ASXL3: variants seen among roughly 807,000 people sequenced by gnomAD.
ASXL3 encodes ASXL transcriptional regulator 3.
ASXL3 carries 34 observed loss-of-function variants against 170.6 expected under a neutral mutation model. The observed-to-expected ratio is 0.20, with a 90% CI of 0.15 to 0.27. ASXL3 has a LOEUF of 0.27. Among genes scored for constraint, ASXL3 ranks in the 10% least tolerant of loss-of-function variants. The pLI is 1.00. For synonymous variants in ASXL3, 1,002 were observed against 989.1 expected, an observed-to-expected ratio of 1.01 and a Z score of -0.24; for missense variants, 2,592 against 2,695.3, an observed-to-expected ratio of 0.96 and a Z score of 0.85.
intron 7 of ASXL3, among the ~76,000 whole-genome samples, chr18:33,677,257 A>C (rs2066443826): frequency 6.6e-6 from 1 of 152,190 alleles, no homozygotes; most frequent in Admixed American, 6.5e-5. Flanking sequence ...GCATAAATAT[A>C]AAAATAAAGT....
rs1452518699 is a variant in ASXL3, at chr18:33,749,517, T to A, written c.*2922T>A. The A allele has an allele frequency of 6.6e-6, 1 of 152,070 alleles. No homozygotes were observed. The highest frequency in any genetic ancestry group is 1.5e-5 in the Non-Finnish European group (1 of 68,012). The allele number at this position is 152,070 out of a possible 1,614,324, so 9.4% of individuals were successfully genotyped here. On this transcript the variant is annotated 3_prime_UTR_variant, in exon 12 of 12. Transcript: ENST00000269197. ...GCAGGGGAAGGAAGAAAACTGCTAT[T>A]CCCTAATCCTCCTCCTATAAGATAT...
chr18:33,591,576 A>C (rs1280194230), intron 1 of ASXL3, among the ~76,000 whole-genome samples: 7 of 152,214 alleles, frequency 4.6e-5, no homozygotes, highest in Non-Finnish European at 1.0e-4. Context: ...GTCAGCAGGA[A>C]AAAGAAAAAT....
In ASXL3 at chr18:33,746,660, A is replaced by T; in HGVS notation, c.*65A>T. 6.7e-7 allele frequency: 1 copy of T among 1,502,302 alleles called. No homozygotes were observed. Among genetic ancestry groups the T allele is most frequent in the South Asian group, 1.4e-5 (1 of 73,328 alleles). The allele number at this position is 1,502,302 out of a possible 1,614,324, so 93.1% of individuals were successfully genotyped here. On this transcript the variant is annotated 3_prime_UTR_variant, in exon 12 of 12. Transcript: ENST00000269197. ...AAAGCCAAATAGCATCAGCAACAAC[A>T]AATAGAATAATGCAGTGGTTTCTAT...
chr18:33,641,649 C>T (rs1321524957), intron 2 of ASXL3, among the ~76,000 whole-genome samples: 1 of 152,052 alleles, frequency 6.6e-6, no homozygotes, highest in Non-Finnish European at 1.5e-5. Context: ...CCAGCCTCCC[C>T]ATAGGCAGCC....
In ASXL3 at chr18:33,744,959, A is replaced by G. The variant is rs2145430867; in HGVS notation, c.5111A>G (p.Gln1704Arg). 6.2e-7 allele frequency: 1 copy of G among 1,613,996 alleles called. No individual in the cohort carries two copies. Among genetic ancestry groups the G allele is most frequent in the Non-Finnish European group, 8.5e-7 (1 of 1,179,894 alleles). ...GCAGAGGGAGCCTCTAGTGTACAACAAACACAGAACATGAAAGCTTCCACC... is the reference window on the plus strand; with the variant it reads ...GCAGAGGGAGCCTCTAGTGTACAACGAACACAGAACATGAAAGCTTCCACC... ...PAAEGASSVQ[Q>R]TQNMKASTSS... The change falls in exon 12 of 12, where the codon CAA (glutamine) becomes CGA (arginine). Residue 1704 changes from glutamine (Q) to arginine (R), a missense_variant. This residue lies in a region of ASXL3 where 2,246 missense variants were observed against 2,219.6 expected (regional missense o/e 1.01). Coordinates refer to ENST00000269197, the MANE Select transcript of ASXL3 (RefSeq NM_030632.3).
intron 1 of ASXL3, among the ~76,000 whole-genome samples, chr18:33,582,774 A>G (rs954578473): frequency 6.6e-6 from 1 of 151,432 alleles, no homozygotes; most frequent in African/African-American, 2.4e-5. Context: ...CTTTGGGTAA[A>G]AATTTTTTAA....
At chr18:33,632,123 G>A (rs557698762) in intron 2 of ASXL3, among the ~76,000 whole-genome samples, 1 of 152,090 alleles carries the variant, frequency 6.6e-6, no homozygotes, top group African/African-American at 2.4e-5. Flanking sequence ...TGGCCAGATC[G>A]CCTAGATAGC....
At chr18:33,741,438 GA>G (rs1386512451) in intron 11 of ASXL3, among the ~76,000 whole-genome samples, 6 of 151,818 alleles carry the variant, frequency 4.0e-5, no homozygotes, top group African/African-American at 7.3e-5. Flanking sequence ...GCACTGATGT[GA>G]AAAAAAGGTA....
At chr18:33,721,141 A>G (rs981133308) in intron 8 of ASXL3, among the ~76,000 whole-genome samples, 4 of 152,006 alleles carry the variant, frequency 2.6e-5, no homozygotes, top group African/African-American at 7.2e-5. Flanking sequence ...TCTTTCGTTA[A>G]TTGGAGCCTA....
chr18:33,740,878 C>A (rs1268936911), intron 11 of ASXL3, among the ~76,000 whole-genome samples: 8 of 152,140 alleles, frequency 5.3e-5, no homozygotes, highest in Admixed American at 5.2e-4. Context: ...TGACTTGATG[C>A]TTTTATCTAA....
chr18:33,705,725 C>T (rs932645842), intron 8 of ASXL3, among the ~76,000 whole-genome samples: 1 of 151,814 alleles, frequency 6.6e-6, no homozygotes, highest in Non-Finnish European at 1.5e-5. Context: ...AATAATCATT[C>T]ATTTATTTTT....
rs1442117587 is a variant in ASXL3 at position 33,744,472 on chromosome 18, G to T, written c.4624G>T (p.Ala1542Ser). 6.2e-7 allele frequency: 1 copy of T among 1,613,130 alleles called. No homozygotes were observed. Among genetic ancestry groups the T allele is most frequent in the Non-Finnish European group, 8.5e-7 (1 of 1,179,742 alleles). The change falls in exon 12 of 12, where the codon GCT becomes TCT. Residue 1542 changes from alanine (A) to serine (S), a missense_variant. Physicochemically the swap from Ala to Ser is moderately conservative, Grantham distance 99. Around this residue, in one of 4 missense-constraint regions of ASXL3, gnomAD observed 2,246 missense variants for 2,219.6 expected, o/e 1.01. Transcript: ENST00000269197. ...GIDHSSTFIAASAAKQDSKTL... is the reference protein window; with the variant it reads ...GIDHSSTFIASSAAKQDSKTL... ...AGATCACAGTTCCACTTTCATTGCT[G>T]CTTCGGCAGCAAAACAAGACAGTAA...
At position 33,645,046 on chromosome 18, in the gene ASXL3, A is replaced by AT. The variant is rs1280685715; in HGVS notation, c.246+50dup. ...CATATTGTTATTACTATTATCATGC[A>AT]TTTTTTCAGACATGTGAAGGTAAAC... is the stretch of plus-strand genomic sequence containing the variant. On this transcript the variant is annotated intron_variant, in intron 3 of 11. Transcript: ENST00000269197. 3.0e-6 allele frequency: 4 copies of AT among 1,336,674 alleles called. No individual in the cohort carries two copies. In the African/African-American group the frequency reaches 4.4e-5, roughly 15 times the overall value. The allele number at this position is 1,336,674 out of a possible 1,614,324, so 82.8% of individuals were successfully genotyped here.
intron 4 of ASXL3, among the ~76,000 whole-genome samples, chr18:33,660,215 C>A (rs2066149893): frequency 6.6e-6 from 1 of 152,072 alleles, no homozygotes; most frequent in Admixed American, 6.6e-5. Flanking sequence ...TATTGTGTTA[C>A]AAGAAAGCTG....
At chr18:33,590,109 A>ATTTTTTTTTTTTTTTTTTTTTTTTTTTT (rs2065064334) in intron 1 of ASXL3, among the ~76,000 whole-genome samples, 1 of 90,526 alleles carries the variant, frequency 1.1e-5, no homozygotes, top group African/African-American at 8.6e-5. Flanking sequence ...TTTGCTTTCT[A>ATTTTTTTTTTTTTTTTTTTTTTTTTTTT]TGTTTTTTTT....
rs777742703 is a variant in ASXL3, at chr18:33,745,904, C to T, written c.6056C>T (p.Pro2019Leu). The change falls in exon 12 of 12, where the codon CCG (proline) becomes CTG (leucine). Residue 2019 changes from proline to leucine, a missense_variant. Pro to Leu is a moderately conservative substitution (Grantham distance 98). Coordinates refer to ENST00000269197, the MANE Select transcript of ASXL3 (RefSeq NM_030632.3). ...MPNKALVHPP[P>L]PPPPPPPPPL... is the part of the protein sequence containing the mutation. ...AACAAAGCACTAGTACATCCGCCGC[C>T]GCCACCGCCTCCCCCTCCCCCTCCA... is the stretch of plus-strand genomic sequence containing the variant. 1.1e-5 allele frequency: 18 copies of T among 1,608,452 alleles called. 1 individual carries two copies. The highest frequency in any genetic ancestry group is 5.5e-5 in the South Asian group (5 of 90,624).
At chr18:33,608,336 A>G (rs1381305941) in intron 2 of ASXL3, among the ~76,000 whole-genome samples, 1 of 151,916 alleles carries the variant, frequency 6.6e-6, no homozygotes, top group African/African-American at 2.4e-5. Context: ...GTCTCTATGG[A>G]CTTGCTATTC....
At chr18:33,583,478 A>T (rs188443851) in intron 1 of ASXL3, among the ~76,000 whole-genome samples, 1 of 152,190 alleles carries the variant, frequency 6.6e-6, no homozygotes, top group Admixed American at 6.5e-5. Flanking sequence ...TCTTTCAAAC[A>T]TGGAACCTAA....
intron 8 of ASXL3, among the ~76,000 whole-genome samples, chr18:33,698,851 C>T (rs2066819513): frequency 6.6e-6 from 1 of 152,160 alleles, no homozygotes; most frequent in East Asian, 1.9e-4. Flanking sequence ...TAAGTAGTTA[C>T]TTCATTTCAC....
Sources: gnomAD v4.1 joint callset for allele counts (sites outside exome capture counted in the v4.1 genomes callset) on GRCh38, gnomAD v4.1.1 for gene constraint, gnomAD v4.1.1 regional missense constraint, MANE v1.5 for transcripts, NCBI Gene and HGNC (gene_info 2026-07-23, HGNC 2026-07-21) for gene names.